Variants in ZPR1 observed in about 807,000 individuals in gnomAD.
ZPR1 encodes zinc finger protein ZPR1.
ZPR1 carries 37 observed loss-of-function variants against 59.6 expected under a neutral mutation model. That is an observed-to-expected ratio of 0.62 (90% CI 0.48 to 0.82). The LOEUF is 0.82. Among genes scored for constraint, ZPR1 ranks in the 40% least tolerant of loss-of-function variants. The pLI is 0.00. For synonymous variants in ZPR1, 191 were observed against 215.2 expected (o/e 0.89, Z 0.99); for missense variants, 527 against 579.9 (o/e 0.91, Z 0.94).
intron 2 of ZPR1, chr11:116,787,265 C>T (rs778248839): frequency 1.9e-4 from 127 of 661,030 alleles, no homozygotes; most frequent in Non-Finnish European, 3.1e-4. Context: ...ATAACAACTA[C>T]TGCTCATTTC....
intron 10 of ZPR1, 126 bp downstream of exon 10, chr11:116,783,404 C>T: frequency 1.2e-6 from 1 of 814,346 alleles, no homozygotes; most frequent in Non-Finnish European, 2.0e-6. Context: ...CAGGGGTCCT[C>T]AAAGCCAGGG....
intron 12 of ZPR1, among the ~76,000 whole-genome samples, chr11:116,780,297 G>A (rs1040428324): frequency 6.9e-6 from 1 of 144,060 alleles, no homozygotes; most frequent in Non-Finnish European, 1.5e-5. Context: ...AGAGGGAAAG[G>A]AATCAAGAAC....
Position 116,774,999 on chromosome 11 carries a change from GC to G in ZPR1, c.*3925del, listed in dbSNP as rs1940703147. 6.6e-6 allele frequency: 1 copy of G among 152,324 alleles called. No homozygotes were observed. Among genetic ancestry groups the G allele is most frequent in the Non-Finnish European group, 1.5e-5 (1 of 68,112 alleles). The allele number at this position is 152,324 out of a possible 1,614,324, so 9.4% of individuals were successfully genotyped here. ...AAGTGTCTCCACCCTGTGCTGCAGG[GC>G]AGTTAAGCAGGATCAGATGCCGTGC... On this transcript the variant is annotated 3_prime_UTR_variant, in exon 14 of 14. Coordinates refer to ENST00000227322, the MANE Select transcript of ZPR1 (RefSeq NM_003904.5).
At chr11:116,785,672 A>G (rs2134197610) in intron 5 of ZPR1, 36 bp from the exon 6 acceptor site, 2 of 1,613,878 alleles carry the variant, frequency 1.2e-6, no homozygotes, top group Non-Finnish European at 1.7e-6. Flanking sequence ...ACTGCAAAAG[A>G]AAATCATAAA....
At chr11:116,784,526 A>C in intron 8 of ZPR1, 78 bp from the exon 9 acceptor site, 1 of 1,336,032 alleles carries the variant, frequency 7.5e-7, no homozygotes, top group Non-Finnish European at 1.1e-6. Flanking sequence ...CAAACCCCAC[A>C]CAAACATATG....
rs1940721874 is a variant in ZPR1, at chr11:116,776,331, C to T, written c.*2594G>A. 6.6e-6 allele frequency: 1 copy of T among 152,236 alleles called. No individual in the cohort carries two copies. The highest frequency in any genetic ancestry group is 2.4e-5 in the African/African-American group (1 of 41,458). 9.4% of individuals were successfully genotyped at this position (152,236 alleles called of 1,614,324 possible). A position where few individuals can be genotyped will look rare whatever the true frequency, so the allele number is the denominator to read the frequency against. On this transcript the variant is annotated 3_prime_UTR_variant, in exon 14 of 14. Transcript: ENST00000227322. Reference sequence around the variant, plus strand: ...GGCACTTTGACTCACCTACCCTGGCCTTAAAGCGAGACCCTTTCCCTATCT... The same window carrying T: ...GGCACTTTGACTCACCTACCCTGGCTTTAAAGCGAGACCCTTTCCCTATCT...
In ZPR1 at chr11:116,778,984, GCTC is replaced by G; in HGVS notation, c.1318_1320del (p.Glu440del). The G allele has an allele frequency of 6.2e-7, 1 of 1,614,180 alleles. No homozygotes were observed. Among genetic ancestry groups the G allele is most frequent in the Non-Finnish European group, 8.5e-7 (1 of 1,180,030 alleles). On this transcript the variant is annotated inframe_deletion, in exon 14 of 14. Coordinates refer to ENST00000227322, the MANE Select transcript of ZPR1 (RefSeq NM_003904.5). ...TCTGTCTTCATGTCATTGAGCCCTA[GCTC>G]CTCATTTTGGTCAAAGGTGCGCTTG...
In ZPR1 at chr11:116,773,967, A is replaced by G. The variant is rs1398748178; in HGVS notation, c.*4958T>C. ...TTGCTCAACTTCACATAGTCAGAAC[A>G]TGACTCTAGGGAGTAGAGGCTAGCG... On this transcript the variant is annotated 3_prime_UTR_variant, in exon 14 of 14. Transcript: ENST00000227322. 6.6e-6 allele frequency: 1 copy of G among 152,218 alleles called. No individual in the cohort carries two copies. The highest frequency in any genetic ancestry group is 2.4e-5 in the African/African-American group (1 of 41,458). The allele number at this position is 152,218 out of a possible 1,614,324, so 9.4% of individuals were successfully genotyped here. A position where few individuals can be genotyped will look rare whatever the true frequency, so the allele number is the denominator to read the frequency against.
In ZPR1 at chr11:116,787,967, T is replaced by C. The variant is rs1221156063; in HGVS notation, c.24A>G (p.Glu8=). The change falls in exon 1 of 14, where the codon GAA becomes GAG. Residue 8 remains glutamate (E), a synonymous_variant. Transcript: ENST00000227322. The part of the protein sequence containing the change: MAASGAV[E]PGPPGAAVAP... ...CGACGGCAGCCCCCGGGGGCCCTGGTTCCACAGCCCCGCTGGCCGCCATGG... is the reference window on the plus strand; with the variant it reads ...CGACGGCAGCCCCCGGGGGCCCTGGCTCCACAGCCCCGCTGGCCGCCATGG... 2 of 1,449,778 alleles carry C rather than the reference T, an allele frequency of 1.4e-6. No homozygotes were observed. Among genetic ancestry groups the C allele is most frequent in the East Asian group, 2.7e-5 (1 of 37,124 alleles). 89.8% of individuals were successfully genotyped at this position (1,449,778 alleles called of 1,614,324 possible). A position where few individuals can be genotyped will look rare whatever the true frequency, so the allele number is the denominator to read the frequency against.
In ZPR1 at chr11:116,788,006, T is replaced by C; in HGVS notation, c.-16A>G. The C allele has an allele frequency of 7.0e-7, 1 of 1,420,452 alleles. No homozygotes were observed. The highest frequency in any genetic ancestry group is 9.1e-7 in the Non-Finnish European group (1 of 1,096,766). 88.0% of individuals were successfully genotyped at this position (1,420,452 alleles called of 1,614,324 possible). On this transcript the variant is annotated 5_prime_UTR_variant, in exon 1 of 14. Coordinates refer to ENST00000227322, the MANE Select transcript of ZPR1 (RefSeq NM_003904.5). ...TGGCCGCCATGGCCACCACGCGCAA[T>C]TCAGACCTCGGCTTCCTACTTCCGC...
chr11:116,787,808 C>A lies in ZPR1; in HGVS notation c.171+12G>T, dbSNP rs1220904395. On this transcript the variant is annotated intron_variant, in intron 1 of 13. Transcript: ENST00000227322. ...TACCCACCCGCCGCTCGCGGCCGCGCCCCCGCCTCACATTGCAGTAACAGT... is the reference window on the plus strand; with the variant it reads ...TACCCACCCGCCGCTCGCGGCCGCGACCCCGCCTCACATTGCAGTAACAGT... 1.3e-6 allele frequency: 2 copies of A among 1,549,254 alleles called. No homozygotes were observed. The highest frequency in any genetic ancestry group is 1.7e-6 in the Non-Finnish European group (2 of 1,147,688).
rs1397850323 is a variant in ZPR1 at position 116,787,653 on chromosome 11, T to C, written c.172-10A>G. On this transcript the variant is annotated splice_polypyrimidine_tract_variant and intron_variant, in intron 1 of 13. Transcript: ENST00000227322. ...GGAGGCGCGTCATGCCCTGGTGAAG[T>C]AGAAAGTAGCTAAGGAAAAAAATCA... The C allele has an allele frequency of 1.2e-6, 2 of 1,604,154 alleles. No homozygotes were observed. The highest frequency in any genetic ancestry group is 1.7e-5 in the Admixed American group (1 of 59,770).
In ZPR1 at chr11:116,786,586, T is replaced by C; in HGVS notation, c.425-5A>G. The C allele has an allele frequency of 6.2e-7, 1 of 1,613,906 alleles. No individual in the cohort carries two copies. Among genetic ancestry groups the C allele is most frequent in the Admixed American group, 1.7e-5 (1 of 60,010 alleles). On this transcript the variant is annotated splice_polypyrimidine_tract_variant and splice_region_variant and intron_variant, in intron 3 of 13. Transcript: ENST00000227322. ...ATCCTTCAACAGTGGTCAGAGCTTG[T>C]GAACAAGAACAAAAGACAAGTGTGA...
At chr11:116,782,893 G>T in intron 11 of ZPR1, 26 bp downstream of exon 11, 1 of 1,590,302 alleles carries the variant, frequency 6.3e-7, no homozygotes. Flanking sequence ...CTCAAAGGTG[G>T]TTTACACACT....
Position 116,785,551 on chromosome 11 carries a change from T to A in ZPR1, c.668A>T (p.Asn223Ile), listed in dbSNP as rs1940871429. The change falls in exon 6 of 14, where the codon AAC becomes ATC. Residue 223 changes from asparagine (N) to isoleucine (I), a missense_variant. Asn to Ile is a moderately radical substitution (Grantham distance 149). Transcript: ENST00000227322. Reference sequence around the variant, plus strand: ...CATCTCTTCCTGCTGTCGGGTCCGGTTGTAGTGTGTGATCACCAGGGCATC... The same window carrying A: ...CATCTCTTCCTGCTGTCGGGTCCGGATGTAGTGTGTGATCACCAGGGCATC... ...KDDALVITHY[N>I]RTRQQEEMLG... 1 of 1,614,136 alleles carries A rather than the reference T, an allele frequency of 6.2e-7. No homozygotes were observed. Among genetic ancestry groups the A allele is most frequent in the Admixed American group, 1.7e-5 (1 of 60,020 alleles).
At chr11:116,786,926 T>A (rs762591415) in intron 3 of ZPR1, 43 bp downstream of exon 3, 6 of 1,519,194 alleles carry the variant, frequency 3.9e-6, no homozygotes, top group Non-Finnish European at 4.6e-6. Context: ...GGTAAGATTC[T>A]AGCTACATGC....
At chr11:116,787,381 A>G in intron 2 of ZPR1, 101 bp downstream of exon 2, 1 of 1,229,390 alleles carries the variant, frequency 8.1e-7, no homozygotes, top group Non-Finnish European at 1.1e-6. Flanking sequence ...TAGGAGACAT[A>G]GGGGGATTTA....
chr11:116,779,730 G>GA (rs1294676199), intron 13 of ZPR1, 42 bp downstream of exon 13: 1 of 1,434,184 alleles, frequency 7.0e-7, no homozygotes, highest in Non-Finnish European at 9.7e-7. Context: ...AGGAAGATCA[G>GA]AAAATGTATC....
rs200349478 is a variant in ZPR1, at chr11:116,787,873, C to A, written c.118G>T (p.Glu40Ter). 1.9e-6 allele frequency: 3 copies of A among 1,543,916 alleles called. No homozygotes were observed. Among genetic ancestry groups the A allele is most frequent in the African/African-American group, 1.4e-5 (1 of 71,016 alleles). ...HLFRPISAEDEEQQPTEIESL... is the reference protein window; with the variant it reads ...HLFRPISAED ...TCGATCTCGGTGGGCTGCTGCTCCT[C>A]GTCCTCGGCGCTGATGGGCCGGAAC... The change falls in exon 1 of 14, where the codon GAG (glutamate) becomes TAG (stop). Residue 40 changes from glutamate (E) to a stop codon, truncating the protein, a stop_gained. Coordinates refer to ENST00000227322, the MANE Select transcript of ZPR1 (RefSeq NM_003904.5). LOFTEE classifies it high-confidence loss of function.
Sources: gnomAD v4.1 joint callset for allele counts (sites outside exome capture counted in the v4.1 genomes callset) on GRCh38, gnomAD v4.1.1 for gene constraint, MANE v1.5 for transcripts, NCBI Gene and HGNC (gene_info 2026-07-23, HGNC 2026-07-21) for gene names.